Variants in MYT1L observed in about 807,000 individuals in gnomAD.
MYT1L encodes the protein myelin transcription factor 1-like protein.
A neutral mutation model predicts 126.7 loss-of-function variants in MYT1L; 12 were observed. That is an observed-to-expected ratio of 0.09 (90% CI 0.06 to 0.15). The LOEUF is 0.15. Ranked by LOEUF, MYT1L falls within the 10% of genes least tolerant of loss-of-function variation. The pLI is 1.00. For synonymous variants in MYT1L, 541 were observed against 604.2 expected, an observed-to-expected ratio of 0.90 and a Z score of 1.53; for missense variants, 979 against 1,585.2, an observed-to-expected ratio of 0.62 and a Z score of 6.49.
At chr2:1,882,343 A>T (rs1003458625) in intron 18 of MYT1L, among the ~76,000 whole-genome samples, 1 of 151,958 alleles carries the variant, frequency 6.6e-6, no homozygotes, top group African/African-American at 2.4e-5. Context: ...CGCATGGCTG[A>T]TCACGTGCAC....
rs146220145 is a variant in MYT1L at position 2,141,360 on chromosome 2, C to T, written c.-304+31512G>A. On this transcript the variant is annotated intron_variant, in intron 3 of 24. Transcript: ENST00000647738. ...CATTTCAAGGCTGCTTAGGAGTTCC[C>T]GTGGCTGTAACACATTTCATAAGAC... is the stretch of plus-strand genomic sequence containing the variant. 3.3e-3 allele frequency among the ~76,000 whole-genome samples: 508 copies of T among 152,234 alleles called. 1 individual carries two copies. The highest frequency in any genetic ancestry group is 0.012 in the African/African-American group (481 of 41,534).
chr2:2,006,214 A>C (rs372534593), intron 4 of MYT1L, among the ~76,000 whole-genome samples: 1 of 152,166 alleles, frequency 6.6e-6, no homozygotes, highest in East Asian at 1.9e-4. Flanking sequence ...GTACTCTAAC[A>C]GTCTGCTTAT....
intron 1 of MYT1L, among the ~76,000 whole-genome samples, chr2:2,310,971 G>GA (rs1425104807): frequency 6.6e-6 from 1 of 152,138 alleles, no homozygotes; most frequent in Non-Finnish European, 1.5e-5. Flanking sequence ...CAAACAAATA[G>GA]AAAAATGAAG....
intron 4 of MYT1L, among the ~76,000 whole-genome samples, chr2:2,019,516 C>T (rs894748867): frequency 6.6e-6 from 1 of 152,216 alleles, no homozygotes; most frequent in Non-Finnish European, 1.5e-5. Flanking sequence ...AGCCCAGAGG[C>T]CCTAACCCCA....
chr2:2,032,609 A>G (rs1441648969), intron 4 of MYT1L, among the ~76,000 whole-genome samples: 1 of 130,964 alleles, frequency 7.6e-6, no homozygotes, highest in Non-Finnish European at 1.6e-5. Context: ...CCTTACACAC[A>G]CCCCTCGCAA....
intron 4 of MYT1L, among the ~76,000 whole-genome samples, chr2:2,010,709 C>G (rs1049218399): frequency 7.9e-5 from 12 of 152,124 alleles, no homozygotes; most frequent in Non-Finnish European, 1.6e-4. Context: ...GAAGCCACAC[C>G]CACAGCTAAC....
chr2:1,896,288 A>G (rs2049554642), intron 14 of MYT1L, among the ~76,000 whole-genome samples: 1 of 152,238 alleles, frequency 6.6e-6, no homozygotes, highest in Admixed American at 6.5e-5. Flanking sequence ...GTTTTCCCAA[A>G]GCACTTAAAA....
At chr2:2,037,303 G>A (rs1445618543) in intron 4 of MYT1L, among the ~76,000 whole-genome samples, 1 of 152,164 alleles carries the variant, frequency 6.6e-6, no homozygotes, top group Non-Finnish European at 1.5e-5. Flanking sequence ...ATTTCCCATT[G>A]AATCTCTATC....
At chr2:1,871,220 T>A (rs1156300719) in intron 18 of MYT1L, among the ~76,000 whole-genome samples, 1 of 152,168 alleles carries the variant, frequency 6.6e-6, no homozygotes, top group East Asian at 1.9e-4. Flanking sequence ...AAACCTCTAC[T>A]CTTAGGCAAC....
At chr2:2,275,013 G>A (rs2095330727) in intron 2 of MYT1L, among the ~76,000 whole-genome samples, 2 of 152,156 alleles carry the variant, frequency 1.3e-5, no homozygotes, top group Non-Finnish European at 2.9e-5. Flanking sequence ...CCAGGGCAGT[G>A]TTGCACCCAG....
At chr2:2,221,614 T>C (rs1218879542) in intron 2 of MYT1L, among the ~76,000 whole-genome samples, 2 of 152,216 alleles carry the variant, frequency 1.3e-5, no homozygotes. Flanking sequence ...CGCTGATTCC[T>C]TGCACAGCGG....
chr2:1,976,101 C>A (rs183772244), intron 8 of MYT1L, among the ~76,000 whole-genome samples: 1,867 of 107,176 alleles, frequency 0.017, 27 homozygotes, highest in Non-Finnish European at 0.024. Context: ...TCATTGGAAA[C>A]ATTTATTGTT....
chr2:1,959,759 G>C (rs2058807505), intron 8 of MYT1L, among the ~76,000 whole-genome samples: 1 of 152,146 alleles, frequency 6.6e-6, no homozygotes, highest in African/African-American at 2.4e-5. Context: ...CACATTCTTT[G>C]AATCAGCTCT....
At chr2:2,047,570 T>C (rs2068342661) in intron 4 of MYT1L, among the ~76,000 whole-genome samples, 1 of 152,222 alleles carries the variant, frequency 6.6e-6, no homozygotes, top group Admixed American at 6.5e-5. Flanking sequence ...AGGCTTAGCA[T>C]ATTGAATAAA....
At chr2:1,925,454 C>T (rs558590051) in intron 9 of MYT1L, among the ~76,000 whole-genome samples, 3 of 152,136 alleles carry the variant, frequency 2.0e-5, no homozygotes, top group Non-Finnish European at 4.4e-5. Flanking sequence ...CAGTTTGTTC[C>T]CCCCTACATT....
At chr2:1,880,789 T>C (rs991754680) in intron 18 of MYT1L, among the ~76,000 whole-genome samples, 2 of 152,220 alleles carry the variant, frequency 1.3e-5, no homozygotes, top group African/African-American at 2.4e-5. Context: ...AACCTCTCCA[T>C]GAAAAGCAGA....
intron 5 of MYT1L, among the ~76,000 whole-genome samples, chr2:1,985,638 A>G (rs2060955352): frequency 6.6e-6 from 1 of 152,198 alleles, no homozygotes; most frequent in Non-Finnish European, 1.5e-5. Context: ...CTAAAAATAA[A>G]TCCTTCTAAA....
At chr2:1,978,158 T>C (rs567483800) in intron 8 of MYT1L, among the ~76,000 whole-genome samples, 145 of 152,270 alleles carry the variant, frequency 9.5e-4, no homozygotes, top group African/African-American at 3.2e-3. Flanking sequence ...ATCAAAATAA[T>C]TGCTGGATGT....
At chr2:2,271,561 G>A (rs2095263658) in intron 2 of MYT1L, among the ~76,000 whole-genome samples, 2 of 152,204 alleles carry the variant, frequency 1.3e-5, no homozygotes, top group East Asian at 3.9e-4. Flanking sequence ...GAGGTCATCT[G>A]GTGGTTCTGG....
Sources: gnomAD v4.1 joint callset for allele counts (sites outside exome capture counted in the v4.1 genomes callset) on GRCh38, gnomAD v4.1.1 for gene constraint, MANE v1.5 for transcripts, NCBI Gene and HGNC (gene_info 2026-07-23, HGNC 2026-07-21) for gene names.